CTNNA2: variants seen among roughly 807,000 people sequenced by gnomAD.
CTNNA2 encodes catenin alpha 2.
Under a neutral mutation model 101.0 loss-of-function variants are expected in CTNNA2, and 42 were observed. That is an observed-to-expected ratio of 0.42 (90% confidence interval 0.32 to 0.54). The LOEUF is 0.54. Ranked by LOEUF, CTNNA2 falls within the 20% of genes least tolerant of loss-of-function variation. CTNNA2 has a pLI of 0.14. For synonymous variants in CTNNA2, 450 were observed against 456.4 expected (o/e 0.99, Z 0.18); for missense variants, 871 against 1,223.1 (o/e 0.71, Z 4.29).
intron 4 of CTNNA2, among the ~76,000 whole-genome samples, chr2:79,865,941 G>A (rs1682053455): frequency 2.6e-5 from 4 of 152,292 alleles, no homozygotes; most frequent in Admixed American, 2.6e-4. Flanking sequence ...GGATGGTCTC[G>A]AAATCCTGAC....
chr2:80,311,942 G>GAAGA (rs1358329950), intron 7 of CTNNA2, among the ~76,000 whole-genome samples: 2 of 152,308 alleles, frequency 1.3e-5, no homozygotes, highest in East Asian at 3.9e-4. Flanking sequence ...AAGCATTATA[G>GAAGA]AAGAATGCTG....
chr2:80,129,425 G>A (rs1702299826), intron 7 of CTNNA2, among the ~76,000 whole-genome samples: 1 of 152,154 alleles, frequency 6.6e-6, no homozygotes, highest in Admixed American at 6.5e-5. Context: ...GGAGAGATGA[G>A]TAAGACACCT....
At chr2:79,865,551 A>G (rs1682007878) in intron 4 of CTNNA2, among the ~76,000 whole-genome samples, 1 of 147,776 alleles carries the variant, frequency 6.8e-6, no homozygotes, top group Non-Finnish European at 1.5e-5. Flanking sequence ...AACGATTTCT[A>G]GTAATGGTAT....
chr2:80,093,912 G>A (rs1474365180), intron 7 of CTNNA2, among the ~76,000 whole-genome samples: 1 of 151,886 alleles, frequency 6.6e-6, no homozygotes, highest in Non-Finnish European at 1.5e-5. Flanking sequence ...TTAGCCCTTT[G>A]TCAGATGAGT....
At chr2:79,290,394 C>A (rs1032916676) in intron 2 of CTNNA2, among the ~76,000 whole-genome samples, 2 of 152,114 alleles carry the variant, frequency 1.3e-5, no homozygotes, top group Non-Finnish European at 2.9e-5. Flanking sequence ...ACGGAGTGGT[C>A]CCTGCCTAGG....
chr2:79,530,334 A>C, intron 1 of CTNNA2, among the ~76,000 whole-genome samples: 1 of 152,216 alleles, frequency 6.6e-6, no homozygotes, highest in East Asian at 1.9e-4. Context: ...CTTCTCCAGC[A>C]AAACAAAGAT....
intron 18 of CTNNA2, among the ~76,000 whole-genome samples, chr2:80,632,060 A>C (rs1672355823): frequency 6.6e-6 from 1 of 152,182 alleles, no homozygotes; most frequent in South Asian, 2.1e-4. Context: ...CTGATAAATA[A>C]TTGATGTTCA....
intron 1 of CTNNA2, among the ~76,000 whole-genome samples, chr2:79,186,164 C>T (rs1198321422): frequency 6.6e-6 from 1 of 152,174 alleles, no homozygotes; most frequent in Non-Finnish European, 1.5e-5. Context: ...GTTGAGGTAT[C>T]TGCTTAAAAC....
At chr2:79,997,173 C>T (rs1217384762) in intron 7 of CTNNA2, among the ~76,000 whole-genome samples, 2 of 152,098 alleles carry the variant, frequency 1.3e-5, no homozygotes, top group African/African-American at 4.8e-5. Context: ...TGGTCTAAGA[C>T]CACACTGCCT....
chr2:79,873,436 A>C (rs985576714), intron 5 of CTNNA2, among the ~76,000 whole-genome samples: 1 of 152,220 alleles, frequency 6.6e-6, no homozygotes, highest in African/African-American at 2.4e-5. Flanking sequence ...TATATGCTCA[A>C]AAAATACAGT....
At chr2:80,413,625 G>A (rs186334632) in intron 8 of CTNNA2, among the ~76,000 whole-genome samples, 28 of 152,264 alleles carry the variant, frequency 1.8e-4, no homozygotes, top group Admixed American at 1.4e-3. Flanking sequence ...CTTCAGACTG[G>A]CTAAACTTTG....
chr2:80,504,781 G>A (rs1688141234), intron 9 of CTNNA2, among the ~76,000 whole-genome samples: 1 of 152,162 alleles, frequency 6.6e-6, no homozygotes, highest in Non-Finnish European at 1.5e-5. Flanking sequence ...CCTGACCTAG[G>A]GTCAATTCAT....
At chr2:80,553,480 C>T (rs75465911) in intron 11 of CTNNA2, among the ~76,000 whole-genome samples, 3,257 of 152,122 alleles carry the variant, frequency 0.021, 106 homozygotes, top group African/African-American at 0.074. Context: ...ATTAAAAATA[C>T]GTTTTCATTT....
chr2:80,011,405 C>G, intron 7 of CTNNA2, among the ~76,000 whole-genome samples: 1 of 152,032 alleles, frequency 6.6e-6, no homozygotes, highest in East Asian at 1.9e-4. Flanking sequence ...ACTGTTTGGC[C>G]TTTTTCTTGC....
intron 1 of CTNNA2, among the ~76,000 whole-genome samples, chr2:79,525,934 A>C (rs1672379689): frequency 6.6e-6 from 1 of 152,000 alleles, no homozygotes; most frequent in African/African-American, 2.4e-5. Flanking sequence ...ATAATTTGAA[A>C]TGCTTCTGTC....
intron 1 of CTNNA2, among the ~76,000 whole-genome samples, chr2:79,605,733 A>G (rs948242734): frequency 6.6e-6 from 1 of 152,018 alleles, no homozygotes; most frequent in Non-Finnish European, 1.5e-5. Context: ...GTAAGACACC[A>G]TCTCTACAAA....
At chr2:80,056,795 C>T (rs1182231850) in intron 7 of CTNNA2, among the ~76,000 whole-genome samples, 2 of 152,192 alleles carry the variant, frequency 1.3e-5, no homozygotes, top group Non-Finnish European at 2.9e-5. Flanking sequence ...AACTCCCACC[C>T]ACCATGAAGT....
chr2:79,322,499 T>C (rs1676648787), intron 3 of CTNNA2, among the ~76,000 whole-genome samples: 1 of 152,220 alleles, frequency 6.6e-6, no homozygotes, highest in Non-Finnish European at 1.5e-5. Flanking sequence ...TTGTCAATTT[T>C]CCAAAACTCT....
intron 7 of CTNNA2, among the ~76,000 whole-genome samples, chr2:79,995,597 G>A (rs2103925105): frequency 6.6e-6 from 1 of 152,250 alleles, no homozygotes; most frequent in Middle Eastern, 3.4e-3. Context: ...GATCACTTGA[G>A]CTTAGGAGCT....
Sources: allele counts gnomAD v4.1 joint callset (sites outside exome capture counted in the v4.1 genomes callset), GRCh38; gene constraint gnomAD v4.1.1; transcripts MANE v1.5; gene names NCBI Gene and HGNC (gene_info 2026-07-23, HGNC 2026-07-21).